GNAL: variants seen among roughly 807,000 people sequenced by gnomAD.
The protein encoded by GNAL is G protein subunit alpha L.
A neutral mutation model predicts 55.1 loss-of-function variants in GNAL; 18 were observed. The ratio of observed to expected loss-of-function variants is 0.33; its 90% CI spans 0.23 to 0.48. The LOEUF is 0.48. Ranked by LOEUF, GNAL falls within the 20% of genes least tolerant of loss-of-function variation. GNAL has a pLI of 0.99. For missense variants in GNAL, 412 were observed against 614.1 expected (o/e 0.67, Z 3.48); for synonymous variants, 253 against 237.0 (o/e 1.07, Z -0.62).
At position 11,851,426 on chromosome 18, in the gene GNAL, C is replaced by A. The variant is rs569502716; in HGVS notation, c.723-10969C>A. On this transcript the variant is annotated intron_variant, in intron 5 of 11. Coordinates refer to ENST00000334049, the MANE Select transcript of GNAL (RefSeq NM_182978.4). ...AGGAAGTGGGACCAAAACAAAGGAG[C>A]GGCGGCCGGGAGCGGACTTACCTTA... 12 of 1,415,390 alleles carry A rather than the reference C, an allele frequency of 8.5e-6. No homozygotes were observed. In the African/African-American group the frequency reaches 1.4e-4, roughly 17 times the overall value. 87.7% of individuals were successfully genotyped at this position (1,415,390 alleles called of 1,614,324 possible).
Position 11,845,258 on chromosome 18 carries a change from G to A in GNAL, c.723-17137G>A, listed in dbSNP as rs868865315. On this transcript the variant is annotated intron_variant, in intron 5 of 11. Transcript: ENST00000334049. ...TGGCTTCCATATTCCTTCAGAGGTG[G>A]GATTTGTACCGTATTACGCCAGACG... 2.6e-5 allele frequency among the ~76,000 whole-genome samples: 4 copies of A among 152,214 alleles called. No individual in the cohort carries two copies. The Middle Eastern group carries it at 0.014, about 518-fold the overall frequency.
At position 11,689,748 on chromosome 18, in the gene GNAL, C is replaced by T; in HGVS notation, c.185C>T (p.Ala62Val). Residue 62 changes from alanine to valine, a missense_variant, in exon 1 of 12, where the codon GCA becomes GTA. Coordinates refer to ENST00000334049, the MANE Select transcript of GNAL (RefSeq NM_182978.4). ...CCTCGGGGCGGCGAAGGGAGCCCGG[C>T]ATGCGCTCGGCCCAAAGCAGACAAG... ...LLPRGGEGSP[A>V]CARPKADKPK... is the part of the protein sequence containing the mutation. 1 of 1,508,750 alleles carries T rather than the reference C, an allele frequency of 6.6e-7. No individual in the cohort carries two copies. Among genetic ancestry groups the T allele is most frequent in the Non-Finnish European group, 8.8e-7 (1 of 1,132,276 alleles). 93.5% of individuals were successfully genotyped at this position (1,508,750 alleles called of 1,614,324 possible). A position where few individuals can be genotyped will look rare whatever the true frequency, so the allele number is the denominator to read the frequency against.
intron 4 of GNAL, among the ~76,000 whole-genome samples, chr18:11,817,432 G>A (rs1293606225): frequency 6.6e-6 from 1 of 152,220 alleles, no homozygotes; most frequent in Non-Finnish European, 1.5e-5. Context: ...TAGGCTCTCA[G>A]AACATTGCCT....
chr18:11,882,193 A>G lies in GNAL; in HGVS notation c.*1058A>G, dbSNP rs1598456789. 1.3e-5 allele frequency: 2 copies of G among 152,292 alleles called. No homozygotes were observed. The highest frequency in any genetic ancestry group is 3.9e-4 in the East Asian group (2 of 5,184). 9.4% of individuals were successfully genotyped at this position (152,292 alleles called of 1,614,324 possible). ...ACTTCTCTGAGCTGTAAAAACCTGA[A>G]CTCAATTCAGGGGTACAAATTGCAA... is the stretch of plus-strand genomic sequence containing the variant. On this transcript the variant is annotated 3_prime_UTR_variant, in exon 12 of 12. Coordinates refer to ENST00000334049, the MANE Select transcript of GNAL (RefSeq NM_182978.4).
intron 5 of GNAL, among the ~76,000 whole-genome samples, chr18:11,830,145 G>A (rs1024722606): frequency 1.3e-5 from 2 of 152,060 alleles, no homozygotes; most frequent in African/African-American, 2.4e-5. Context: ...GTACTCACTC[G>A]CCTTTCCCCA....
chr18:11,759,183 A>G (rs1336011874), intron 4 of GNAL, among the ~76,000 whole-genome samples: 2 of 151,536 alleles, frequency 1.3e-5, no homozygotes, highest in African/African-American at 2.4e-5. Context: ...AAAAAAAAAC[A>G]AAAAGGAAGA....
At chr18:11,778,280 T>C (rs1258708284) in intron 4 of GNAL, among the ~76,000 whole-genome samples, 4 of 152,202 alleles carry the variant, frequency 2.6e-5, no homozygotes, top group Non-Finnish European at 4.4e-5. Flanking sequence ...GGTTAAATCC[T>C]CAGGAACATC....
At chr18:11,797,838 A>G (rs1035350485) in intron 4 of GNAL, among the ~76,000 whole-genome samples, 2 of 152,172 alleles carry the variant, frequency 1.3e-5, no homozygotes, top group African/African-American at 4.8e-5. Flanking sequence ...CACATGGAAA[A>G]AGGCAAAACT....
intron 4 of GNAL, among the ~76,000 whole-genome samples, chr18:11,807,884 G>A (rs572574447): frequency 1.5e-3 from 230 of 152,238 alleles, no homozygotes; most frequent in Non-Finnish European, 2.9e-3. Context: ...AGTGTTTCAC[G>A]GGGAGGGTGT....
At chr18:11,724,104 G>T (rs1016856855) in intron 1 of GNAL, among the ~76,000 whole-genome samples, 1 of 152,190 alleles carries the variant, frequency 6.6e-6, no homozygotes, top group Non-Finnish European at 1.5e-5. Context: ...TAGGTTAGAA[G>T]CCTGCATTAG....
At position 11,775,291 on chromosome 18, in the gene GNAL, C is replaced by T. The variant is rs189533340; in HGVS notation, c.624+21346C>T. On this transcript the variant is annotated intron_variant, in intron 4 of 11. Coordinates refer to ENST00000334049, the MANE Select transcript of GNAL (RefSeq NM_182978.4). ...GGCCAGGAGGGTTTCTCTGCAGAGT[C>T]CACACCTCACCCATATGCACACACT... Among the ~76,000 whole-genome samples the T allele has an allele frequency of 2.5e-3, 378 of 152,318 alleles. 2 individuals carry two copies. Among genetic ancestry groups the T allele is most frequent in the Non-Finnish European group, 3.9e-3 (263 of 68,028 alleles).
intron 4 of GNAL, among the ~76,000 whole-genome samples, chr18:11,782,882 T>A (rs1403002263): frequency 6.6e-6 from 1 of 152,230 alleles, no homozygotes; most frequent in Non-Finnish European, 1.5e-5. Context: ...GCATAATGCA[T>A]GATAAAGAGA....
At chr18:11,700,090 G>T (rs540329181) in intron 1 of GNAL, among the ~76,000 whole-genome samples, 72 of 152,322 alleles carry the variant, frequency 4.7e-4, no homozygotes, top group African/African-American at 1.7e-3. Context: ...AGGATCCCAA[G>T]AGGAGGAGCT....
chr18:11,733,798 T>C (rs1235925810), intron 1 of GNAL, among the ~76,000 whole-genome samples: 1 of 151,142 alleles, frequency 6.6e-6, no homozygotes, highest in Non-Finnish European at 1.5e-5. Context: ...CAGTGTACGC[T>C]CTTCAAGTGA....
intron 1 of GNAL, among the ~76,000 whole-genome samples, chr18:11,690,292 A>G (rs1211142337): frequency 6.6e-6 from 1 of 152,036 alleles, no homozygotes; most frequent in Non-Finnish European, 1.5e-5. Flanking sequence ...TGTCTACCCT[A>G]GCCTCTCACT....
chr18:11,751,527 C>T lies in GNAL; in HGVS notation c.377-1326C>T. 1.0e-6 allele frequency: 1 copy of T among 985,468 alleles called. No homozygotes were observed. The allele number at this position is 985,468 out of a possible 1,614,324, so 61.0% of individuals were successfully genotyped here. Reference sequence around the variant, plus strand: ...GTGACTGGTGAGCCTCGGAGGGATCCTCCTCCCTGCTAGAATATGCATGAT... The same window carrying T: ...GTGACTGGTGAGCCTCGGAGGGATCTTCCTCCCTGCTAGAATATGCATGAT... On this transcript the variant is annotated intron_variant, in intron 1 of 11. Coordinates refer to ENST00000334049, the MANE Select transcript of GNAL (RefSeq NM_182978.4). The surrounding 1 kb of genome is among the most constrained non-coding windows in gnomAD (Gnocchi z 4.5).
At chr18:11,742,627 T>TGCCAACCTGCCTCCTGGGCGATA (rs2032602378) in intron 1 of GNAL, among the ~76,000 whole-genome samples, 2 of 152,260 alleles carry the variant, frequency 1.3e-5, no homozygotes, top group Non-Finnish European at 2.9e-5. Context: ...TTTCATTGTC[T>TGCCAACCTGCCTCCTGGGCGATA]GCCAACCTGC....
At chr18:11,811,227 G>A (rs1411153280) in intron 4 of GNAL, among the ~76,000 whole-genome samples, 1 of 152,036 alleles carries the variant, frequency 6.6e-6, no homozygotes, top group African/African-American at 2.4e-5. Context: ...CCCTCCCCAC[G>A]GCTGATCGCC....
At chr18:11,785,619 T>C (rs1227050685) in intron 4 of GNAL, among the ~76,000 whole-genome samples, 2 of 152,308 alleles carry the variant, frequency 1.3e-5, no homozygotes, top group Non-Finnish European at 2.9e-5. Flanking sequence ...CTCTTTAGCT[T>C]ACAATTAATT....
Sources: allele counts gnomAD v4.1 joint callset (sites outside exome capture counted in the v4.1 genomes callset), GRCh38; gene constraint gnomAD v4.1.1; non-coding constraint Gnocchi (gnomAD v3.1); transcripts MANE v1.5; gene names NCBI Gene and HGNC (gene_info 2026-07-23, HGNC 2026-07-21).